The following MED12L variants were observed in gnomAD, a reference collection of about 807,000 sequenced individuals.
MED12L encodes the protein mediator of RNA polymerase II transcription subunit 12-like protein.
In MED12L, 60 loss-of-function variants were observed where a neutral mutation model predicts 281.3. The ratio of observed to expected loss-of-function variants is 0.21; its 90% CI spans 0.17 to 0.26. The LOEUF is 0.26. Among genes scored for constraint, MED12L ranks in the 10% least tolerant of loss-of-function variants. The pLI, the probability that MED12L is intolerant of heterozygous loss-of-function variation, is 1.00. For synonymous variants in MED12L, 974 were observed against 987.2 expected (o/e 0.99, Z 0.25); for missense variants, 2,146 against 2,680.9 (o/e 0.80, Z 4.41).
intron 11 of MED12L, among the ~76,000 whole-genome samples, chr3:151,180,052 A>G (rs752188156): frequency 2.0e-5 from 3 of 152,228 alleles, no homozygotes; most frequent in Non-Finnish European, 4.4e-5. Context: ...GTATTGGAAA[A>G]TATTTATTGG....
At chr3:151,377,482 A>G (rs1711501386) in intron 30 of MED12L, among the ~76,000 whole-genome samples, 1 of 152,120 alleles carries the variant, frequency 6.6e-6, no homozygotes, top group African/African-American at 2.4e-5. Context: ...TTTTTCCACC[A>G]TTTTTATTAA....
chr3:151,301,396 C>T (rs1322834596), intron 16 of MED12L, among the ~76,000 whole-genome samples: 1 of 152,082 alleles, frequency 6.6e-6, no homozygotes, highest in African/African-American at 2.4e-5. Context: ...GTATGGTTGT[C>T]CTCTTCAGAT....
chr3:151,424,048 A>G (rs947292412), intron 43 of MED12L, among the ~76,000 whole-genome samples: 1 of 152,210 alleles, frequency 6.6e-6, no homozygotes, highest in Non-Finnish European at 1.5e-5. Flanking sequence ...TGTTCCATTC[A>G]GAGAAATTGA....
At chr3:151,352,379 G>T (rs1472890229) in intron 17 of MED12L, among the ~76,000 whole-genome samples, 3 of 152,102 alleles carry the variant, frequency 2.0e-5, no homozygotes, top group Non-Finnish European at 2.9e-5. Context: ...GGGGATTTTT[G>T]ACTTTCTTTC....
At chr3:151,233,833 G>A (rs972082167) in intron 16 of MED12L, among the ~76,000 whole-genome samples, 3 of 152,196 alleles carry the variant, frequency 2.0e-5, no homozygotes, top group Admixed American at 6.5e-5. Flanking sequence ...GCCTTTCTCC[G>A]CCTTGTGGTA....
intron 16 of MED12L, among the ~76,000 whole-genome samples, chr3:151,317,580 A>G (rs1748450187): frequency 6.7e-6 from 1 of 150,230 alleles, no homozygotes; most frequent in African/African-American, 2.4e-5. Context: ...CCTCCTGAGT[A>G]GGTAGGATTA....
chr3:151,100,575 G>A lies in MED12L; in HGVS notation c.99+13550G>A, dbSNP rs1254854214. On this transcript the variant is annotated intron_variant, in intron 2 of 44. Transcript: ENST00000687756. ...AATTTATCATTCTCCTGAGTTCTGC[G>A]AGGAAGGTTAATATTGACATTGCTT... 6.6e-5 allele frequency among the ~76,000 whole-genome samples: 10 copies of A among 152,294 alleles called. No homozygotes were observed. In the East Asian group the frequency reaches 1.9e-3, roughly 29 times the overall value.
Position 151,376,835 on chromosome 3 carries a change from A to C in MED12L, c.4089A>C (p.Leu1363Phe). 1.2e-6 allele frequency: 2 copies of C among 1,614,098 alleles called. No homozygotes were observed. The highest frequency in any genetic ancestry group is 2.7e-5 in the African/African-American group (2 of 75,058). ...AGTGGACACTGAGGCAATCCTGGTT[A>C]GAACTCCAGCTAATGATCAAACAGT... ...LEQWTLRQSWLELQLMIKQCL... is the reference protein window; with the variant it reads ...LEQWTLRQSWFELQLMIKQCL... Residue 1363 changes from leucine (L) to phenylalanine (F), a missense_variant, in exon 29 of 45, where the codon TTA becomes TTC. This residue lies in a region of MED12L where 235 missense variants were observed against 260.3 expected (regional missense o/e 0.90). Transcript: ENST00000687756.
intron 16 of MED12L, chr3:151,269,917 T>A: frequency 2.2e-6 from 1 of 451,502 alleles, no homozygotes. Flanking sequence ...CTGATGCAGG[T>A]GTTGTTGAGT....
intron 11 of MED12L, among the ~76,000 whole-genome samples, chr3:151,170,553 C>G (rs555535566): frequency 6.6e-6 from 1 of 152,142 alleles, no homozygotes; most frequent in African/African-American, 2.4e-5. Flanking sequence ...GAATTACAGG[C>G]GTGAGCCACT....
At chr3:151,280,648 C>G (rs1466420502) in intron 16 of MED12L, among the ~76,000 whole-genome samples, 1 of 151,878 alleles carries the variant, frequency 6.6e-6, no homozygotes, top group Admixed American at 6.6e-5. Context: ...CTTGTGACCT[C>G]TGTTCTGTGG....
chr3:151,372,859 G>T, intron 27 of MED12L, 93 bp downstream of exon 27: 2 of 893,758 alleles, frequency 2.2e-6, no homozygotes, highest in South Asian at 1.9e-5. Flanking sequence ...GCATAGGTGG[G>T]CCTTTTTTTC....
rs768198990 is a variant in MED12L at position 151,338,212 on chromosome 3, T to A, written c.2251-11847T>A. On this transcript the variant is annotated intron_variant, in intron 16 of 44. Coordinates refer to ENST00000687756, the MANE Select transcript of MED12L (RefSeq NM_001393769.1). ...TATGACCGGTACAGTTCTTTTGTAA[T>A]GAGTGTATAACATACAATAACAATT... 2.5e-6 allele frequency: 4 copies of A among 1,614,136 alleles called. No individual in the cohort carries two copies. In the Admixed American group the frequency reaches 6.7e-5, roughly 27 times the overall value.
At position 151,387,966 on chromosome 3, in the gene MED12L, A is replaced by G. The variant is rs1713675235; in HGVS notation, c.5245A>G (p.Thr1749Ala). 1.2e-6 allele frequency: 2 copies of G among 1,613,958 alleles called. No homozygotes were observed. Among genetic ancestry groups the G allele is most frequent in the African/African-American group, 2.7e-5 (2 of 74,970 alleles). Residue 1749 changes from threonine (T) to alanine (A), a missense_variant, in exon 37 of 45, where the codon ACA becomes GCA. Physicochemically the swap from Thr to Ala is moderately conservative, Grantham distance 58 (BLOSUM62 0). Coordinates refer to ENST00000687756, the MANE Select transcript of MED12L (RefSeq NM_001393769.1). ...GCAGCATCACCTCCTGCTGTATCAC[A>G]CACACCCCATGCCCAAGCCCCGCAG... is the stretch of plus-strand genomic sequence containing the variant. The part of the protein sequence containing the change: ...EEQHHLLLYH[T>A]HPMPKPRSYY...
At chr3:151,334,093 AT>A (rs1373394811) in intron 16 of MED12L, among the ~76,000 whole-genome samples, 1 of 151,848 alleles carries the variant, frequency 6.6e-6, no homozygotes, top group Non-Finnish European at 1.5e-5. Flanking sequence ...AAGAAAAAAA[AT>A]CTTTTAAATT....
intron 16 of MED12L, among the ~76,000 whole-genome samples, chr3:151,305,127 T>C (rs936663948): frequency 6.6e-5 from 10 of 152,222 alleles, no homozygotes; most frequent in Non-Finnish European, 1.3e-4. Flanking sequence ...TTTACTACAG[T>C]GGCTCTGCAT....
intron 8 of MED12L, among the ~76,000 whole-genome samples, chr3:151,161,623 G>C (rs143920107): frequency 6.6e-6 from 1 of 152,152 alleles, no homozygotes; most frequent in Non-Finnish European, 1.5e-5. Flanking sequence ...TCTAGGCATC[G>C]TTCTAAGTTG....
At chr3:151,210,982 A>G (rs1727071901) in intron 16 of MED12L, among the ~76,000 whole-genome samples, 1 of 152,214 alleles carries the variant, frequency 6.6e-6, no homozygotes, top group South Asian at 2.1e-4. Context: ...TATCTACAAA[A>G]GGACCTGGCA....
intron 11 of MED12L, among the ~76,000 whole-genome samples, chr3:151,172,086 C>G (rs2149012072): frequency 6.6e-6 from 1 of 152,264 alleles, no homozygotes; most frequent in Middle Eastern, 3.4e-3. Context: ...ATATATCAGT[C>G]TTAGACGAAT....
Sources: allele counts gnomAD v4.1 joint callset (sites outside exome capture counted in the v4.1 genomes callset), GRCh38; gene constraint gnomAD v4.1.1; regional missense constraint gnomAD v4.1.1; transcripts MANE v1.5; gene names NCBI Gene and HGNC (gene_info 2026-07-23, HGNC 2026-07-21).